Variants in ASTN2 observed in about 807,000 individuals in gnomAD.
The protein encoded by ASTN2 is astrotactin-2.
A neutral mutation model predicts 139.8 loss-of-function variants in ASTN2; 54 were observed. That is an observed-to-expected ratio of 0.39 (90% CI 0.31 to 0.48). The LOEUF is 0.48. ASTN2 is among the 20% of genes least tolerant of loss of function. ASTN2 has a pLI of 0.95. For synonymous variants in ASTN2, 756 were observed against 719.5 expected, an observed-to-expected ratio of 1.05 and a Z score of -0.81; for missense variants, 1,565 against 1,725.1, an observed-to-expected ratio of 0.91 and a Z score of 1.64.
chr9:116,652,348 A>G (rs1341410769), intron 16 of ASTN2, among the ~76,000 whole-genome samples: 1 of 152,108 alleles, frequency 6.6e-6, no homozygotes, highest in Non-Finnish European at 1.5e-5. Flanking sequence ...TGAAAAATAA[A>G]TAAATTAATT....
chr9:117,248,540 T>G (rs557889398), intron 2 of ASTN2, among the ~76,000 whole-genome samples: 2 of 152,290 alleles, frequency 1.3e-5, no homozygotes, highest in South Asian at 2.1e-4. Context: ...GCCATGGAGT[T>G]AGGTCAATCC....
chr9:116,718,218 G>C (rs964084200), intron 16 of ASTN2, among the ~76,000 whole-genome samples: 3 of 152,026 alleles, frequency 2.0e-5, no homozygotes, highest in Non-Finnish European at 4.4e-5. Context: ...AGCAAAAATG[G>C]GAAAAAAAAA....
At position 116,725,693 on chromosome 9, in the gene ASTN2, G is replaced by T. The variant is rs149253426; in HGVS notation, c.2806+78C>A. ...GGCAGAGCCAGGATTTAGATCCAAG[G>T]CAGCTCAGTTGTCTCCCCAGACCCC... On this transcript the variant is annotated intron_variant, in intron 16 of 22. Coordinates refer to ENST00000313400, the MANE Select transcript of ASTN2 (RefSeq NM_001365068.1). 6.8e-4 allele frequency: 980 copies of T among 1,434,160 alleles called. 8 individuals carry two copies. In the East Asian group the frequency reaches 0.017, roughly 25 times the overall value. The allele number at this position is 1,434,160 out of a possible 1,614,324, so 88.8% of individuals were successfully genotyped here. A position where few individuals can be genotyped will look rare whatever the true frequency, so the allele number is the denominator to read the frequency against.
intron 2 of ASTN2, among the ~76,000 whole-genome samples, chr9:117,240,242 T>A (rs139187397): frequency 6.6e-6 from 1 of 152,306 alleles, no homozygotes; most frequent in Non-Finnish European, 1.5e-5. Flanking sequence ...TGGGATACCA[T>A]GTTCCTTGTC....
At chr9:116,470,521 A>G (rs1848780902) in intron 20 of ASTN2, among the ~76,000 whole-genome samples, 1 of 152,204 alleles carries the variant, frequency 6.6e-6, no homozygotes, top group African/African-American at 2.4e-5. Context: ...CAAAATAGTG[A>G]TAATAAAAAA....
intron 19 of ASTN2, among the ~76,000 whole-genome samples, chr9:116,526,306 G>A (rs1851086750): frequency 6.6e-6 from 1 of 152,160 alleles, no homozygotes; most frequent in Admixed American, 6.5e-5. Context: ...TGTGGGGTTG[G>A]TGTGAGTAGT....
chr9:116,743,922 T>C (rs1455016883), intron 13 of ASTN2, among the ~76,000 whole-genome samples: 1 of 152,216 alleles, frequency 6.6e-6, no homozygotes, highest in Non-Finnish European at 1.5e-5. Flanking sequence ...TTTGAATGCT[T>C]GACTGTGAGA....
At chr9:117,080,538 T>C (rs1828399532) in intron 5 of ASTN2, among the ~76,000 whole-genome samples, 1 of 152,124 alleles carries the variant, frequency 6.6e-6, no homozygotes, top group Non-Finnish European at 1.5e-5. Flanking sequence ...GTTGCAAGGA[T>C]AAGAAAGAGT....
chr9:117,348,104 G>A (rs1797941651), intron 1 of ASTN2, among the ~76,000 whole-genome samples: 1 of 152,144 alleles, frequency 6.6e-6, no homozygotes, highest in Admixed American at 6.5e-5. Flanking sequence ...CCATTTATAA[G>A]CATGAAGGTA....
chr9:117,404,677 T>A (rs926874728), intron 1 of ASTN2, among the ~76,000 whole-genome samples: 2 of 151,952 alleles, frequency 1.3e-5, no homozygotes, highest in African/African-American at 4.8e-5. Context: ...AGAAGCAAGT[T>A]CACCTAGCCA....
chr9:117,389,024 C>T (rs1037460939), intron 1 of ASTN2, among the ~76,000 whole-genome samples: 2 of 152,176 alleles, frequency 1.3e-5, no homozygotes, highest in Non-Finnish European at 2.9e-5. Context: ...CCTTACTGTG[C>T]TACTCCAATA....
At chr9:117,051,912 C>A (rs1453038254) in intron 5 of ASTN2, among the ~76,000 whole-genome samples, 3 of 152,048 alleles carry the variant, frequency 2.0e-5, no homozygotes, top group East Asian at 1.9e-4. Flanking sequence ...TTAACCAATA[C>A]CTCCTGGAAA....
chr9:117,301,334 A>T (rs1262586093), intron 1 of ASTN2, among the ~76,000 whole-genome samples: 2 of 152,116 alleles, frequency 1.3e-5, no homozygotes, highest in Non-Finnish European at 2.9e-5. Context: ...CAACATTGCA[A>T]ACTGATGCAG....
Position 117,023,501 on chromosome 9 carries a change from A to G in ASTN2, c.1424-15242T>C, listed in dbSNP as rs117017044. The stretch of plus-strand genomic sequence containing the variant: ...CTCTCCTCTATTTTAATTATTTTAC[A>G]CCATTTTAATTATCCTCACAGCCAC... On this transcript the variant is annotated intron_variant, in intron 6 of 22. Coordinates refer to ENST00000313400, the MANE Select transcript of ASTN2 (RefSeq NM_001365068.1). Among the ~76,000 whole-genome samples, 263 of 152,084 alleles carry G rather than the reference A, an allele frequency of 1.7e-3. 5 individuals carry two copies. In the East Asian group the frequency reaches 0.049, roughly 28 times the overall value.
rs1554732623 is a variant in ASTN2, at chr9:116,697,936, GCAAGATTACC to G, written c.2806+27825_2806+27834del. 1 of 1,614,188 alleles carries G rather than the reference GCAAGATTACC, an allele frequency of 6.2e-7. No individual in the cohort carries two copies. Among genetic ancestry groups the G allele is most frequent in the Non-Finnish European group, 8.5e-7 (1 of 1,180,042 alleles). On this transcript the variant is annotated intron_variant, in intron 16 of 22. Coordinates refer to ENST00000313400, the MANE Select transcript of ASTN2 (RefSeq NM_001365068.1). Reference sequence around the variant, plus strand: ...AATGGTGTCCGCTGTCCCTTTTGCAGCAAGATTACCCGCATAACCAGCTTGACCCAGCTGA... The same window carrying G: ...AATGGTGTCCGCTGTCCCTTTTGCAGCGCATAACCAGCTTGACCCAGCTGA...
At chr9:116,598,145 C>T (rs1237480480) in intron 19 of ASTN2, among the ~76,000 whole-genome samples, 2 of 152,146 alleles carry the variant, frequency 1.3e-5, no homozygotes, top group Non-Finnish European at 2.9e-5. Flanking sequence ...GTGAGCACAG[C>T]TCCTTGATCT....
At chr9:116,768,101 G>C (rs931572976) in intron 13 of ASTN2, among the ~76,000 whole-genome samples, 1 of 152,120 alleles carries the variant, frequency 6.6e-6, no homozygotes, top group Admixed American at 6.6e-5. Context: ...AAGTAAAAAA[G>C]ACAATTAGAA....
intron 4 of ASTN2, among the ~76,000 whole-genome samples, chr9:117,132,597 C>G (rs1829852525): frequency 6.6e-6 from 1 of 152,138 alleles, no homozygotes; most frequent in Non-Finnish European, 1.5e-5. Flanking sequence ...CATACACTTT[C>G]AGGAACACAA....
At chr9:117,316,816 A>G (rs1295010171) in intron 1 of ASTN2, among the ~76,000 whole-genome samples, 1 of 152,132 alleles carries the variant, frequency 6.6e-6, no homozygotes, top group Non-Finnish European at 1.5e-5. Flanking sequence ...CAGCTTATAG[A>G]TATCTCGCAG....
Sources: gnomAD v4.1 joint callset for allele counts (sites outside exome capture counted in the v4.1 genomes callset) on GRCh38, gnomAD v4.1.1 for gene constraint, MANE v1.5 for transcripts, NCBI Gene and HGNC (gene_info 2026-07-23, HGNC 2026-07-21) for gene names.